ABI1: variants seen among roughly 807,000 people sequenced by gnomAD.
ABI1 encodes the protein abl interactor 1, also known as Abelson interactor 1.
Under a neutral mutation model 54.6 loss-of-function variants are expected in ABI1, and 14 were observed. The observed-to-expected ratio is 0.26, with a 90% CI of 0.17 to 0.40. The LOEUF (loss-of-function observed/expected upper bound fraction) is 0.40. ABI1 is among the 10% of genes least tolerant of loss of function. The pLI, the probability that ABI1 is intolerant of heterozygous loss-of-function variation, is 1.00. For synonymous variants in ABI1, 194 were observed against 209.3 expected (o/e 0.93, Z 0.63); for missense variants, 443 against 598.3 (o/e 0.74, Z 2.71).
At chr10:26,817,948 G>A (rs960897166) in intron 2 of ABI1, among the ~76,000 whole-genome samples, 2 of 151,494 alleles carry the variant, frequency 1.3e-5, no homozygotes, top group South Asian at 4.2e-4. Context: ...TTGAGGTCAG[G>A]AGTTTGAGAC....
chr10:26,830,637 A>AAAAAAC (rs1564554070), intron 1 of ABI1, among the ~76,000 whole-genome samples: 2 of 151,704 alleles, frequency 1.3e-5, no homozygotes, highest in African/African-American at 4.8e-5. Context: ...AAAAAAAAAA[A>AAAAAAC]AAAACAAAAC....
intron 3 of ABI1, among the ~76,000 whole-genome samples, chr10:26,772,388 T>G (rs1006134704): frequency 6.6e-6 from 1 of 152,150 alleles, no homozygotes; most frequent in Non-Finnish European, 1.5e-5. Flanking sequence ...TACTAAATAC[T>G]ATCCTAAAAT....
rs559275393 is a variant in ABI1 at position 26,825,149 on chromosome 10, T to C, written c.118-1844A>G. Among the ~76,000 whole-genome samples the C allele has an allele frequency of 3.6e-4, 55 of 152,322 alleles. 1 individual carries two copies. In the South Asian group the frequency reaches 0.011, roughly 30 times the overall value. On this transcript the variant is annotated intron_variant, in intron 1 of 10. Coordinates refer to ENST00000376140, the MANE Select transcript of ABI1 (RefSeq NM_001012750.3). ...AGACAACAATGAAATTTGCTGCATC[T>C]ATTGACTTTTGTTTTAACAAGATTT...
At chr10:26,799,441 TAAA>T (rs1446780861) in intron 2 of ABI1, among the ~76,000 whole-genome samples, 1 of 151,620 alleles carries the variant, frequency 6.6e-6, no homozygotes, top group Non-Finnish European at 1.5e-5. Context: ...CCAAAAGCAA[TAAA>T]GAAGCTGCTT....
At chr10:26,762,550 T>C (rs1588781616) in intron 7 of ABI1, among the ~76,000 whole-genome samples, 1 of 152,210 alleles carries the variant, frequency 6.6e-6, no homozygotes, top group Admixed American at 6.5e-5. Flanking sequence ...ACATGGGTTA[T>C]AGCTGTAGAT....
intron 2 of ABI1, among the ~76,000 whole-genome samples, chr10:26,813,892 G>GAT (rs1293274628): frequency 6.6e-6 from 1 of 152,018 alleles, no homozygotes; most frequent in African/African-American, 2.4e-5. Flanking sequence ...TATCTGATAT[G>GAT]ATAAATACTG....
chr10:26,843,485 AATATATATATATATATAT>A (rs779960397), intron 1 of ABI1, among the ~76,000 whole-genome samples: 1 of 34,160 alleles, frequency 2.9e-5, no homozygotes, highest in African/African-American at 1.2e-4. Context: ...AAAAAAAAAA[AATATATATATATATATAT>A]ATATATATAT....
chr10:26,790,931 C>G (rs908795727), intron 2 of ABI1, among the ~76,000 whole-genome samples: 1 of 151,862 alleles, frequency 6.6e-6, no homozygotes, highest in East Asian at 1.9e-4. Flanking sequence ...ATTTGCTGGG[C>G]ATGGTGGCAC....
At chr10:26,842,462 C>A (rs201668094) in intron 1 of ABI1, among the ~76,000 whole-genome samples, 1 of 151,804 alleles carries the variant, frequency 6.6e-6, no homozygotes, top group African/African-American at 2.4e-5. Context: ...GCTTTTATGG[C>A]CTAAGCTTTT....
chr10:26,858,520 C>G, intron 1 of ABI1, among the ~76,000 whole-genome samples: 1 of 141,248 alleles, frequency 7.1e-6, no homozygotes, highest in African/African-American at 2.7e-5. Context: ...ATACCCCACC[C>G]CGCCCCCACA....
At chr10:26,789,594 G>T (rs1309326863) in intron 2 of ABI1, among the ~76,000 whole-genome samples, 1 of 151,936 alleles carries the variant, frequency 6.6e-6, no homozygotes, top group African/African-American at 2.4e-5. Context: ...TTTTAAAAGG[G>T]ATTTTCTGTA....
At chr10:26,834,823 C>T (rs10829079) in intron 1 of ABI1, among the ~76,000 whole-genome samples, 22,323 of 151,710 alleles carry the variant, frequency 0.15, 2,123 homozygotes, top group African/African-American at 0.28. Flanking sequence ...AAAAATTAAG[C>T]CGGGCACAGT....
intron 2 of ABI1, among the ~76,000 whole-genome samples, chr10:26,778,732 ATAGAG>A (rs934395144): frequency 1.3e-5 from 2 of 152,192 alleles, no homozygotes; most frequent in African/African-American, 4.8e-5. Context: ...CTGGATGTTT[ATAGAG>A]TAAACAGCCT....
At position 26,759,241 on chromosome 10, in the gene ABI1, G is replaced by GAA. The variant is rs1254618503; in HGVS notation, c.821-5_821-4dup. On this transcript the variant is annotated splice_polypyrimidine_tract_variant and splice_region_variant and intron_variant, in intron 7 of 10. Coordinates refer to ENST00000376140, the MANE Select transcript of ABI1 (RefSeq NM_001012750.3). ...ACCAGGAGCTGAGCCCGGGGCTGCT[G>GAA]AAAAGCATTAGTCAAAGGCAACCAA... 1.2e-6 allele frequency: 2 copies of GAA among 1,612,994 alleles called. No individual in the cohort carries two copies. Among genetic ancestry groups the GAA allele is most frequent in the Non-Finnish European group, 1.7e-6 (2 of 1,179,526 alleles).
chr10:26,774,579 T>C (rs1022129093), intron 3 of ABI1, among the ~76,000 whole-genome samples: 3 of 152,142 alleles, frequency 2.0e-5, no homozygotes, highest in African/African-American at 7.2e-5. Context: ...GAACCAGATT[T>C]ACTTTGGGAT....
Position 26,750,702 on chromosome 10 carries a change from C to T in ABI1, c.1270+896G>A, listed in dbSNP as rs545035568. Among the ~76,000 whole-genome samples, 9 of 152,154 alleles carry T rather than the reference C, an allele frequency of 5.9e-5. No individual in the cohort carries two copies. In the South Asian group the frequency reaches 1.9e-3, roughly 32 times the overall value. Reference sequence around the variant, plus strand: ...CATTTTTCAGAACTCTATAGAAATACAGATTTTATTTTTAATTGATTCCCA... The same window carrying T: ...CATTTTTCAGAACTCTATAGAAATATAGATTTTATTTTTAATTGATTCCCA... On this transcript the variant is annotated intron_variant, in intron 10 of 10. Coordinates refer to ENST00000376140, the MANE Select transcript of ABI1 (RefSeq NM_001012750.3).
chr10:26,780,827 C>G (rs1842013157), intron 2 of ABI1, among the ~76,000 whole-genome samples: 1 of 152,168 alleles, frequency 6.6e-6, no homozygotes, highest in African/African-American at 2.4e-5. Context: ...AATAAGTTAC[C>G]AGCTTCCAAC....
intron 8 of ABI1, among the ~76,000 whole-genome samples, chr10:26,757,374 T>C (rs986802025): frequency 1.1e-4 from 17 of 151,930 alleles, no homozygotes; most frequent in African/African-American, 3.6e-4. Flanking sequence ...CACACAAGCA[T>C]TGCTAAAATA....
chr10:26,765,700 G>A (rs1051235923), intron 6 of ABI1, among the ~76,000 whole-genome samples: 6 of 151,480 alleles, frequency 4.0e-5, no homozygotes, highest in African/African-American at 1.2e-4. Context: ...GAGAGTGGGA[G>A]GGAAAGTGGT....
Sources: gnomAD v4.1 joint callset for allele counts (sites outside exome capture counted in the v4.1 genomes callset) on GRCh38, gnomAD v4.1.1 for gene constraint, MANE v1.5 for transcripts, NCBI Gene and HGNC (gene_info 2026-07-23, HGNC 2026-07-21) for gene names.